Variants in QRICH1 observed in about 807,000 individuals in gnomAD.
The protein encoded by QRICH1 is transcriptional regulator QRICH1.
QRICH1 carries 16 observed loss-of-function variants against 87.1 expected under a neutral mutation model. The ratio of observed to expected loss-of-function variants is 0.18; its 90% confidence interval spans 0.12 to 0.28. The LOEUF (loss-of-function observed/expected upper bound fraction) is 0.28. Ranked by LOEUF, QRICH1 falls within the 10% of genes least tolerant of loss-of-function variation. The pLI, the probability that QRICH1 is intolerant of heterozygous loss-of-function variation, is 1.00. For synonymous variants in QRICH1, 367 were observed against 368.4 expected (o/e 1.00, Z 0.05); for missense variants, 647 against 951.7 (o/e 0.68, Z 4.21).
At chr3:49,083,478 G>T (rs1345064520) in intron 1 of QRICH1, 2 of 152,082 alleles carry the variant, frequency 1.3e-5, no homozygotes, top group Non-Finnish European at 2.9e-5. Context: ...GTAGAATCCT[G>T]TCTGTGGATA....
intron 5 of QRICH1, among the ~76,000 whole-genome samples, 194 bp from the exon 6 acceptor site, chr3:49,044,698 G>A (rs2093329216): frequency 6.6e-6 from 1 of 152,170 alleles, no homozygotes; most frequent in African/African-American, 2.4e-5. Flanking sequence ...ATTCTTGAGA[G>A]TTGGGTAAAT....
chr3:49,045,979 G>A (rs1261925729), intron 5 of QRICH1, among the ~76,000 whole-genome samples: 1 of 149,950 alleles, frequency 6.7e-6, no homozygotes, highest in Non-Finnish European at 1.5e-5. Context: ...AAAATGCTGT[G>A]ATCTCAGCTC....
chr3:49,070,962 T>C (rs2093497036), intron 2 of QRICH1, among the ~76,000 whole-genome samples: 1 of 152,152 alleles, frequency 6.6e-6, no homozygotes, highest in Admixed American at 6.6e-5. Context: ...TGTGGTGCAG[T>C]GGTGTGATCT....
At chr3:49,051,582 G>GCCCC (rs1491142511) in intron 3 of QRICH1, among the ~76,000 whole-genome samples, 4 of 14,588 alleles carry the variant, frequency 2.7e-4, no homozygotes, top group African/African-American at 1.4e-3. Flanking sequence ...AACCCCCCCT[G>GCCCC]CGCCCCCCCC....
intron 1 of QRICH1, among the ~76,000 whole-genome samples, chr3:49,087,807 G>T (rs1470590439): frequency 1.5e-4 from 3 of 19,750 alleles, no homozygotes; most frequent in Non-Finnish European, 2.9e-4. Context: ...TCAGGAGGCG[G>T]AGGTTCATCT....
chr3:49,058,136 A>C, intron 2 of QRICH1: 1 of 627,334 alleles, frequency 1.6e-6, no homozygotes, highest in East Asian at 3.3e-5. Context: ...GGGGCCTAAA[A>C]AGGAAATACC....
intron 6 of QRICH1, among the ~76,000 whole-genome samples, chr3:49,041,756 G>A (rs1303176868): frequency 7.3e-5 from 11 of 151,640 alleles, no homozygotes; most frequent in Admixed American, 2.6e-4. Context: ...TCAGCTTCCC[G>A]AGTAGCTGGG....
chr3:49,037,073 TAAAAAAA>T (rs60963227), intron 6 of QRICH1, among the ~76,000 whole-genome samples: 12 of 92,614 alleles, frequency 1.3e-4, no homozygotes, highest in African/African-American at 3.8e-4. Context: ...CCCCGTCTCT[TAAAAAAA>T]AAAAAAAAAA....
chr3:49,039,006 G>A (rs967111263), intron 6 of QRICH1, among the ~76,000 whole-genome samples: 4 of 152,014 alleles, frequency 2.6e-5, no homozygotes, highest in African/African-American at 7.2e-5. Context: ...CAGCCTGGAA[G>A]ACAAAGTGAG....
At chr3:49,058,112 C>G (rs2093413801) in intron 2 of QRICH1, 1 of 743,560 alleles carries the variant, frequency 1.3e-6, no homozygotes, top group Admixed American at 3.2e-5. Context: ...AGAGAGCAAG[C>G]AAGACAATTA....
chr3:49,080,584 A>G (rs531078543), intron 1 of QRICH1, among the ~76,000 whole-genome samples: 31 of 152,146 alleles, frequency 2.0e-4, no homozygotes, highest in Non-Finnish European at 4.0e-4. Flanking sequence ...TGCCCAGTAA[A>G]GCCAGTCTCT....
intron 2 of QRICH1, among the ~76,000 whole-genome samples, chr3:49,063,822 T>C (rs1183626999): frequency 6.6e-6 from 1 of 152,154 alleles, no homozygotes; most frequent in Non-Finnish European, 1.5e-5. Context: ...CCAAAAAATA[T>C]TGAAGACCCA....
At chr3:49,049,805 G>A (rs6762848) in intron 3 of QRICH1, among the ~76,000 whole-genome samples, 149,092 of 152,162 alleles carry the variant, frequency 0.98, 73,059 homozygotes, top group Middle Eastern at 1. Context: ...GCCAGATTCT[G>A]AAGAGATCTT....
chr3:49,057,158 C>T lies in QRICH1; in HGVS notation c.1042G>A (p.Ala348Thr). The T allele has an allele frequency of 6.2e-7, 1 of 1,614,232 alleles. No individual in the cohort carries two copies. The highest frequency in any genetic ancestry group is 1.1e-5 in the South Asian group (1 of 91,088). Residue 348 changes from alanine to threonine, a missense_variant, in exon 3 of 10, where the codon GCC (alanine) becomes ACC (threonine). Physicochemically the swap from Ala to Thr is moderately conservative, Grantham distance 58. Coordinates refer to ENST00000395443, the MANE Select transcript of QRICH1 (RefSeq NM_198880.3). The surrounding 1 kb of genome is among the most constrained non-coding windows in gnomAD (Gnocchi z 5.4). ...NAVHVSGSPT[A>T]LAAVKLEDDK... ...TCCTCCAGCTTAACAGCTGCCAGGG[C>T]TGTGGGTGAGCCACTGACGTGAACT...
chr3:49,078,820 T>C (rs2042002988), intron 1 of QRICH1, among the ~76,000 whole-genome samples: 1 of 149,802 alleles, frequency 6.7e-6, no homozygotes, highest in Non-Finnish European at 1.5e-5. Flanking sequence ...GCCTCCCGAG[T>C]AGCTGGGACT....
intron 2 of QRICH1, among the ~76,000 whole-genome samples, chr3:49,066,570 T>C (rs1273442444): frequency 6.6e-6 from 1 of 151,220 alleles, no homozygotes; most frequent in Non-Finnish European, 1.5e-5. Context: ...GTTCAAGCAA[T>C]TCTCCTGCCT....
intron 2 of QRICH1, among the ~76,000 whole-genome samples, chr3:49,075,662 T>A (rs941298435): frequency 6.6e-6 from 1 of 151,832 alleles, no homozygotes; most frequent in African/African-American, 2.4e-5. Context: ...AAAAAAAGGC[T>A]GGGCATGGTG....
Position 49,057,877 on chromosome 3 carries a change from A to G in QRICH1, c.323T>C (p.Val108Ala). 6.2e-7 allele frequency: 1 copy of G among 1,614,038 alleles called. No individual in the cohort carries two copies. The highest frequency in any genetic ancestry group is 8.5e-7 in the Non-Finnish European group (1 of 1,179,994). The part of the protein sequence containing the change: ...QPQQVQVQVQ[V>A]QQSPQQVSAQ... ...CGAGACCTGTTGCGGAGACTGCTGT[A>G]CCTGCACCTGGACCTGTAAGCAACA... Residue 108 changes from valine to alanine, a missense_variant, in exon 3 of 10, where the codon GTA becomes GCA. Val to Ala is a moderately conservative substitution (Grantham distance 64, BLOSUM62 0). Transcript: ENST00000395443. This position sits in a 1 kb window ranked among gnomAD's most constrained non-coding sequence, Gnocchi z 5.4.
chr3:49,041,579 C>T (rs1008159414), intron 6 of QRICH1, among the ~76,000 whole-genome samples: 5 of 151,622 alleles, frequency 3.3e-5, no homozygotes, highest in Admixed American at 6.6e-5. Flanking sequence ...CTTCCCACCT[C>T]GGTCTCCCAA....
Sources: gnomAD v4.1 joint callset for allele counts (sites outside exome capture counted in the v4.1 genomes callset) on GRCh38, gnomAD v4.1.1 for gene constraint, Gnocchi (gnomAD v3.1) non-coding constraint, MANE v1.5 for transcripts, NCBI Gene and HGNC (gene_info 2026-07-23, HGNC 2026-07-21) for gene names.